Variants in ADAMTSL3 observed in about 807,000 individuals in gnomAD.
The protein encoded by ADAMTSL3 is ADAMTS like 3.
In ADAMTSL3, 128 loss-of-function variants were observed where a neutral mutation model predicts 201.7. The observed-to-expected ratio is 0.63, with a 90% CI of 0.55 to 0.73. ADAMTSL3 has a LOEUF of 0.73. Ranked by LOEUF, ADAMTSL3 falls within the 30% of genes least tolerant of loss-of-function variation. The pLI is 0.00. For synonymous variants in ADAMTSL3, 738 were observed against 748.4 expected (o/e 0.99, Z 0.23); for missense variants, 1,990 against 2,119.6 (o/e 0.94, Z 1.20).
At chr15:83,859,465 A>G (rs941376905) in intron 8 of ADAMTSL3, among the ~76,000 whole-genome samples, 8 of 152,216 alleles carry the variant, frequency 5.3e-5, no homozygotes, top group African/African-American at 1.9e-4. Flanking sequence ...GTAGGGATCT[A>G]GATTTCCTGA....
At chr15:83,679,537 A>G (rs1359934944) in intron 2 of ADAMTSL3, among the ~76,000 whole-genome samples, 1 of 152,080 alleles carries the variant, frequency 6.6e-6, no homozygotes, top group Non-Finnish European at 1.5e-5. Flanking sequence ...TTCGTAGGCC[A>G]TAATTATAAG....
chr15:83,745,821 T>C (rs1156345216), intron 3 of ADAMTSL3, among the ~76,000 whole-genome samples: 3 of 152,236 alleles, frequency 2.0e-5, no homozygotes, highest in African/African-American at 7.2e-5. Flanking sequence ...AAATGTGTTA[T>C]GAATAAATGC....
chr15:83,742,460 A>G (rs1001340578), intron 3 of ADAMTSL3, among the ~76,000 whole-genome samples: 20 of 152,222 alleles, frequency 1.3e-4, no homozygotes, highest in African/African-American at 4.6e-4. Context: ...AAATTAATAT[A>G]AACAAAAGCA....
chr15:83,838,320 T>C, intron 7 of ADAMTSL3, 105 bp downstream of exon 7: 1 of 1,387,468 alleles, frequency 7.2e-7, no homozygotes, highest in East Asian at 2.6e-5. Context: ...TAGTTGGAAG[T>C]AGCTTTTGTA....
chr15:83,953,212 T>G (rs576100789), intron 19 of ADAMTSL3, among the ~76,000 whole-genome samples: 2 of 152,316 alleles, frequency 1.3e-5, no homozygotes, highest in South Asian at 4.1e-4. Flanking sequence ...TCTTTCTTCT[T>G]TCCTTCCTTC....
chr15:83,903,939 A>AGG lies in ADAMTSL3; in HGVS notation c.1700+4208_1700+4209insGG, dbSNP rs1567226085. 3.1e-3 allele frequency among the ~76,000 whole-genome samples: 156 copies of AGG among 50,628 alleles called. 13 individuals carry two copies. The highest frequency in any genetic ancestry group is 7.1e-3 in the South Asian group (9 of 1,270). 33.2% of individuals were successfully genotyped at this position (50,628 alleles called of 152,430 possible). ...CATCAAAAAAAAAAAAAAAAAAAAA[A>AGG]AAAAAGAAAAAAGAAAGAAAGAAAG... On this transcript the variant is annotated intron_variant, in intron 15 of 29. Transcript: ENST00000286744.
At chr15:83,674,255 A>C (rs1417839218) in intron 2 of ADAMTSL3, among the ~76,000 whole-genome samples, 1 of 151,844 alleles carries the variant, frequency 6.6e-6, no homozygotes, top group Non-Finnish European at 1.5e-5. Context: ...ATTTTGAATT[A>C]ATTTGTTCAT....
intron 6 of ADAMTSL3, among the ~76,000 whole-genome samples, chr15:83,824,619 T>G (rs1459353070): frequency 6.6e-6 from 1 of 152,172 alleles, no homozygotes; most frequent in Non-Finnish European, 1.5e-5. Flanking sequence ...CTAAAAATCC[T>G]CTATGCTTTG....
chr15:83,788,299 A>G (rs1432556369), intron 4 of ADAMTSL3, among the ~76,000 whole-genome samples: 1 of 152,200 alleles, frequency 6.6e-6, no homozygotes, highest in Non-Finnish European at 1.5e-5. Flanking sequence ...CAAGAAATTC[A>G]GGAGGCATCT....
At chr15:83,849,484 A>T (rs2064565645) in intron 7 of ADAMTSL3, among the ~76,000 whole-genome samples, 1 of 152,202 alleles carries the variant, frequency 6.6e-6, no homozygotes, top group Admixed American at 6.5e-5. Context: ...TAGGATTTCA[A>T]AGCAGGCTTA....
At chr15:83,937,674 A>G (rs2066484347) in intron 17 of ADAMTSL3, among the ~76,000 whole-genome samples, 1 of 151,116 alleles carries the variant, frequency 6.6e-6, no homozygotes, top group African/African-American at 2.5e-5. Context: ...AAAAATTATC[A>G]TTACGTATGT....
intron 6 of ADAMTSL3, among the ~76,000 whole-genome samples, chr15:83,827,437 A>T (rs1025557204): frequency 2.0e-5 from 3 of 152,100 alleles, no homozygotes; most frequent in African/African-American, 7.2e-5. Context: ...GTAGATTGCG[A>T]AAATTTTCTC....
At chr15:83,907,935 A>G (rs1469480420) in intron 15 of ADAMTSL3, among the ~76,000 whole-genome samples, 1 of 152,192 alleles carries the variant, frequency 6.6e-6, no homozygotes, top group East Asian at 1.9e-4. Context: ...TTTATTTTTA[A>G]GTCTTTGAGA....
At chr15:83,820,931 G>A (rs2063853361) in intron 6 of ADAMTSL3, among the ~76,000 whole-genome samples, 1 of 152,064 alleles carries the variant, frequency 6.6e-6, no homozygotes, top group South Asian at 2.1e-4. Context: ...AAAATTAACT[G>A]GGTGTGATGG....
At chr15:83,804,898 A>G (rs1206425851) in intron 5 of ADAMTSL3, among the ~76,000 whole-genome samples, 2 of 152,162 alleles carry the variant, frequency 1.3e-5, no homozygotes, top group Non-Finnish European at 1.5e-5. Flanking sequence ...TTCATGATCT[A>G]ATTTGGTAAG....
chr15:83,953,853 C>T (rs2066802039), intron 19 of ADAMTSL3, among the ~76,000 whole-genome samples: 2 of 152,296 alleles, frequency 1.3e-5, no homozygotes, highest in Admixed American at 1.3e-4. Flanking sequence ...TTAAATATGT[C>T]ATGCCACTCT....
chr15:83,798,806 CA>C (rs11340224), intron 4 of ADAMTSL3, among the ~76,000 whole-genome samples: 18,245 of 75,952 alleles, frequency 0.24, 1,015 homozygotes, highest in East Asian at 0.34. Flanking sequence ...GACTCCGTCT[CA>C]AAAAAAAAAA....
intron 23 of ADAMTSL3, among the ~76,000 whole-genome samples, chr15:84,005,771 A>G (rs908046375): frequency 2.6e-5 from 4 of 152,218 alleles, no homozygotes; most frequent in African/African-American, 9.6e-5. Context: ...ACTTTTAATG[A>G]TGGAGTTGGG....
intron 3 of ADAMTSL3, among the ~76,000 whole-genome samples, chr15:83,743,402 A>G (rs571072997): frequency 4.0e-5 from 6 of 151,292 alleles, no homozygotes; most frequent in South Asian, 2.1e-4. Context: ...AGTCCCAGCT[A>G]CTCGGGAGGC....
Sources: gnomAD v4.1 joint callset for allele counts (sites outside exome capture counted in the v4.1 genomes callset) on GRCh38, gnomAD v4.1.1 for gene constraint, MANE v1.5 for transcripts, NCBI Gene and HGNC (gene_info 2026-07-23, HGNC 2026-07-21) for gene names.